The following SSBP2 variants were observed in gnomAD, a reference collection of about 807,000 sequenced individuals.
SSBP2 encodes the protein single-stranded DNA-binding protein 2.
In SSBP2, 17 loss-of-function variants were observed where a neutral mutation model predicts 61.8. That is an observed-to-expected ratio of 0.28 (90% CI 0.19 to 0.41). The LOEUF is 0.41. Ranked by LOEUF, SSBP2 falls within the 10% of genes least tolerant of loss-of-function variation. The pLI, the probability that SSBP2 is intolerant of heterozygous loss-of-function variation, is 1.00. For synonymous variants in SSBP2, 139 were observed against 141.3 expected (o/e 0.98, Z 0.12); for missense variants, 310 against 458.7 (o/e 0.68, Z 2.96).
chr5:81,749,969 C>G (rs1477385546), intron 1 of SSBP2, among the ~76,000 whole-genome samples: 1 of 152,168 alleles, frequency 6.6e-6, no homozygotes, highest in African/African-American at 2.4e-5. Context: ...CCCGCCACAG[C>G]TGCCCTCCTC....
intron 4 of SSBP2, among the ~76,000 whole-genome samples, chr5:81,593,636 G>A (rs987517553): frequency 3.1e-4 from 47 of 152,148 alleles, no homozygotes; most frequent in Admixed American, 2.4e-3. Flanking sequence ...GACTAATAGC[G>A]GATCTCTCGG....
At position 81,652,724 on chromosome 5, in the gene SSBP2, T is replaced by C. The variant is rs1184068690; in HGVS notation, c.63-2385A>G. Among the ~76,000 whole-genome samples, 3 of 152,256 alleles carry C rather than the reference T, an allele frequency of 2.0e-5. No homozygotes were observed. In the East Asian group the frequency reaches 5.8e-4, roughly 29 times the overall value. On this transcript the variant is annotated intron_variant, in intron 1 of 16. Transcript: ENST00000320672. ...CAACTAATTAAGTCTACTGCCATGA[T>C]GACTCCATAATACATGATCAGCAAT...
At chr5:81,495,390 A>T (rs1767201168) in intron 5 of SSBP2, among the ~76,000 whole-genome samples, 1 of 152,200 alleles carries the variant, frequency 6.6e-6, no homozygotes, top group South Asian at 2.1e-4. Flanking sequence ...TTCCATATAA[A>T]TATGATTCCC....
Position 81,697,284 on chromosome 5 carries a change from C to T in SSBP2, c.63-46945G>A, listed in dbSNP as rs1753665844. On this transcript the variant is annotated intron_variant, in intron 1 of 16. Transcript: ENST00000320672. Reference sequence around the variant, plus strand: ...AAAAATAAAATGGAGGGCTGAGGACCTTTTTCTGTACAAAACTGAGGAGCA... The same window carrying T: ...AAAAATAAAATGGAGGGCTGAGGACTTTTTTCTGTACAAAACTGAGGAGCA... Among the ~76,000 whole-genome samples the T allele has an allele frequency of 2.0e-5, 3 of 152,248 alleles. No individual in the cohort carries two copies. In the South Asian group the frequency reaches 6.2e-4, roughly 32 times the overall value.
chr5:81,485,329 A>C (rs989484716), intron 6 of SSBP2, among the ~76,000 whole-genome samples: 1 of 152,088 alleles, frequency 6.6e-6, no homozygotes, highest in Admixed American at 6.6e-5. Context: ...ACCCCTTCCT[A>C]TATTTTTACA....
At chr5:81,609,196 A>T (rs1449247871) in intron 4 of SSBP2, among the ~76,000 whole-genome samples, 2 of 152,202 alleles carry the variant, frequency 1.3e-5, no homozygotes, top group Non-Finnish European at 2.9e-5. Context: ...ATCTCCTTGC[A>T]GTTTTAAAAT....
At chr5:81,743,173 A>C (rs1324171533) in intron 1 of SSBP2, among the ~76,000 whole-genome samples, 1 of 152,186 alleles carries the variant, frequency 6.6e-6, no homozygotes, top group African/African-American at 2.4e-5. Context: ...CCAACACCCA[A>C]TTCCTCCATT....
At chr5:81,531,506 G>A (rs372313514) in intron 4 of SSBP2, among the ~76,000 whole-genome samples, 1 of 152,178 alleles carries the variant, frequency 6.6e-6, no homozygotes, top group East Asian at 1.9e-4. Context: ...GAAGTTTTAA[G>A]AATGCTTCTT....
chr5:81,453,493 G>A (rs1032517909), intron 10 of SSBP2, among the ~76,000 whole-genome samples: 29 of 132,610 alleles, frequency 2.2e-4, no homozygotes, highest in African/African-American at 7.1e-4. Flanking sequence ...GAGTCTTGCC[G>A]TCGCCCAGGC....
chr5:81,586,770 C>T (rs925072895), intron 4 of SSBP2, among the ~76,000 whole-genome samples: 1 of 151,926 alleles, frequency 6.6e-6, no homozygotes, highest in Non-Finnish European at 1.5e-5. Flanking sequence ...ATAAAGGTGG[C>T]TCATCGTGCC....
chr5:81,664,948 TA>T (rs1750989280), intron 1 of SSBP2, among the ~76,000 whole-genome samples: 1 of 152,218 alleles, frequency 6.6e-6, no homozygotes, highest in African/African-American at 2.4e-5. Context: ...AGTGCCATGC[TA>T]TTTTGCTTAC....
intron 1 of SSBP2, among the ~76,000 whole-genome samples, chr5:81,664,105 CTTTT>C (rs897761100): frequency 2.1e-5 from 3 of 143,738 alleles, no homozygotes; most frequent in South Asian, 2.3e-4. Context: ...ACTTTTTTAA[CTTTT>C]TTTTTTGTTT....
intron 1 of SSBP2, among the ~76,000 whole-genome samples, chr5:81,700,218 T>C (rs1489845727): frequency 6.6e-6 from 1 of 152,178 alleles, no homozygotes; most frequent in Non-Finnish European, 1.5e-5. Flanking sequence ...GAATGGATGT[T>C]GTATTAGTAG....
intron 3 of SSBP2, among the ~76,000 whole-genome samples, chr5:81,630,978 T>A (rs535157592): frequency 6.6e-6 from 1 of 152,194 alleles, no homozygotes; most frequent in Non-Finnish European, 1.5e-5. Context: ...CTTATGCCAT[T>A]TGTAGACTTC....
intron 3 of SSBP2, among the ~76,000 whole-genome samples, chr5:81,622,501 C>T (rs191925628): frequency 6.2e-4 from 95 of 152,248 alleles, no homozygotes; most frequent in African/African-American, 2.3e-3. Flanking sequence ...GAGCAAGTTG[C>T]TTAAACTGAT....
rs551891884 is a variant in SSBP2, at chr5:81,678,514, T to C, written c.63-28175A>G. On this transcript the variant is annotated intron_variant, in intron 1 of 16. Coordinates refer to ENST00000320672, the MANE Select transcript of SSBP2 (RefSeq NM_012446.5). ...AACAGAAGTAGTATCTGAGCAATAA[T>C]GACTGATAATTTTTCCAAATTAACG... Among the ~76,000 whole-genome samples, 5 of 152,230 alleles carry C rather than the reference T, an allele frequency of 3.3e-5. No homozygotes were observed. In the East Asian group the frequency reaches 7.7e-4, roughly 24 times the overall value.
At chr5:81,639,676 A>G (rs1009277771) in intron 2 of SSBP2, among the ~76,000 whole-genome samples, 1 of 152,158 alleles carries the variant, frequency 6.6e-6, no homozygotes, top group Non-Finnish European at 1.5e-5. Context: ...TTTAGCTTAA[A>G]TCATAAAAAT....
At chr5:81,695,489 T>TCCCTCCC (rs1424500749) in intron 1 of SSBP2, among the ~76,000 whole-genome samples, 4 of 137,184 alleles carry the variant, frequency 2.9e-5, no homozygotes, top group African/African-American at 1.1e-4. Flanking sequence ...CTTAATGCTA[T>TCCCTCCC]CCCTCCCCCC....
At chr5:81,686,854 C>CAAAAAAAAAAAAAAAAA (rs57665340) in intron 1 of SSBP2, among the ~76,000 whole-genome samples, 1 of 91,050 alleles carries the variant, frequency 1.1e-5, no homozygotes, top group Non-Finnish European at 2.0e-5. Flanking sequence ...GACTTCATCT[C>CAAAAAAAAAAAAAAAAA]AAAAAAAAAA....
Sources: gnomAD v4.1 joint callset for allele counts (sites outside exome capture counted in the v4.1 genomes callset) on GRCh38, gnomAD v4.1.1 for gene constraint, MANE v1.5 for transcripts, NCBI Gene and HGNC (gene_info 2026-07-23, HGNC 2026-07-21) for gene names.